Variants in WDR27 observed in about 807,000 individuals in gnomAD.
WDR27 encodes the protein WD repeat-containing protein 27.
A neutral mutation model predicts 114.4 loss-of-function variants in WDR27; 100 were observed. The ratio of observed to expected loss-of-function variants is 0.87; its 90% CI spans 0.74 to 1.03. The LOEUF is 1.03. WDR27 is among the 50% of genes least tolerant of loss of function. The pLI is 0.00. For missense variants in WDR27, 1,129 were observed against 1,092.9 expected (o/e 1.03, Z -0.47); for synonymous variants, 449 against 423.1 (o/e 1.06, Z -0.75).
At chr6:169,688,457 A>C (rs1224846722) in intron 2 of WDR27, among the ~76,000 whole-genome samples, 1 of 152,158 alleles carries the variant, frequency 6.6e-6, no homozygotes, top group East Asian at 1.9e-4. Context: ...ACATGCACTT[A>C]TTATGTGGAA....
intron 15 of WDR27, among the ~76,000 whole-genome samples, chr6:169,648,842 C>G (rs2128239163): frequency 6.6e-6 from 1 of 152,334 alleles, no homozygotes; most frequent in East Asian, 1.9e-4. Flanking sequence ...ATGGCGTGGG[C>G]CACGCCCACT....
intron 25 of WDR27, among the ~76,000 whole-genome samples, chr6:169,522,980 A>G (rs1275276733): frequency 2.6e-5 from 4 of 151,976 alleles, no homozygotes; most frequent in African/African-American, 7.2e-5. Flanking sequence ...AAATAAATGA[A>G]TGAGATTTAA....
At chr6:169,438,236 C>CTTTTTTT in the WDR27 span, among the ~76,000 whole-genome samples, 5 of 105,426 alleles carry the variant, frequency 4.7e-5, no homozygotes, top group African/African-American at 1.1e-4. Flanking sequence ...TTTACTTTTT[C>CTTTTTTT]TTTTTTTTTT....
intron 25 of WDR27, among the ~76,000 whole-genome samples, chr6:169,473,942 GC>G (rs983483199): frequency 6.6e-6 from 1 of 152,208 alleles, no homozygotes; most frequent in African/African-American, 2.4e-5. Context: ...TCAAAATTTG[GC>G]CCAACTGGGG....
intron 25 of WDR27, among the ~76,000 whole-genome samples, chr6:169,469,155 TA>T (rs1786004646): frequency 6.6e-6 from 1 of 152,184 alleles, no homozygotes; most frequent in Non-Finnish European, 1.5e-5. Context: ...ATGTTCTTCT[TA>T]CATGTAAAAT....
At position 169,634,478 on chromosome 6, in the gene WDR27, G is replaced by A. The variant is rs145261774; in HGVS notation, c.2051C>T (p.Thr684Met). 1.1e-3 allele frequency: 1,730 copies of A among 1,613,144 alleles called. 6 individuals carry two copies. The African/African-American group carries it at 0.014, about 13-fold the overall frequency. The stretch of plus-strand genomic sequence containing the variant: ...TAAACTGGTCATGTCTACTGCACCC[G>A]TCGTGGAGAGCCTGCAAATCAGCTT... ...KSKLICRLSTTGAVDMTSLSA... is the reference protein window; with the variant it reads ...KSKLICRLSTMGAVDMTSLSA... Residue 684 changes from threonine (T) to methionine (M), a missense_variant, in exon 20 of 26, where the codon ACG becomes ATG. Thr to Met is a moderately conservative substitution (Grantham distance 81). Transcript: ENST00000448612.
At chr6:169,651,791 T>G in intron 14 of WDR27, 139 bp downstream of exon 14, 65 of 706,764 alleles carry the variant, frequency 9.2e-5, no homozygotes, top group Middle Eastern at 3.1e-4. Flanking sequence ...ACCCACCACA[T>G]TTTAACTTCT....
chr6:169,499,793 G>C (rs928324841), intron 25 of WDR27, among the ~76,000 whole-genome samples: 1 of 152,226 alleles, frequency 6.6e-6, no homozygotes, highest in Non-Finnish European at 1.5e-5. Context: ...AGATTAGAGA[G>C]ATGGGCCCGT....
At chr6:169,681,529 G>C (rs1373066105) in intron 2 of WDR27, among the ~76,000 whole-genome samples, 1 of 152,206 alleles carries the variant, frequency 6.6e-6, no homozygotes, top group Non-Finnish European at 1.5e-5. Context: ...CCTCCAAGGG[G>C]CTTGGTTACC....
chr6:169,620,082 T>C (rs571097678), intron 21 of WDR27, among the ~76,000 whole-genome samples: 1 of 152,320 alleles, frequency 6.6e-6, no homozygotes, highest in East Asian at 1.9e-4. Context: ...CGAGAATTGA[T>C]GGTTTTTAAA....
chr6:169,547,556 T>C (rs776931692), intron 25 of WDR27, among the ~76,000 whole-genome samples: 15 of 152,158 alleles, frequency 9.9e-5, no homozygotes, highest in African/African-American at 2.9e-4. Context: ...ATCCCATCAA[T>C]AGGCTAAAAA....
the WDR27 span, among the ~76,000 whole-genome samples, chr6:169,446,009 T>G: frequency 6.6e-6 from 1 of 152,242 alleles, no homozygotes; most frequent in Non-Finnish European, 1.5e-5. Flanking sequence ...GTGTGGCACT[T>G]AATGAAAGGG....
At chr6:169,589,864 C>T (rs1805368486) in intron 23 of WDR27, among the ~76,000 whole-genome samples, 2 of 149,216 alleles carry the variant, frequency 1.3e-5, no homozygotes, top group Admixed American at 1.3e-4. Context: ...GCACTTCACC[C>T]ACCACAGAGA....
At chr6:169,581,218 T>C (rs181298879) in intron 24 of WDR27, among the ~76,000 whole-genome samples, 1 of 152,074 alleles carries the variant, frequency 6.6e-6, no homozygotes, top group African/African-American at 2.4e-5. Flanking sequence ...TTTCAAGTAT[T>C]CAAAAACATT....
intron 23 of WDR27, among the ~76,000 whole-genome samples, chr6:169,583,420 A>AG (rs1215949788): frequency 2.1e-5 from 1 of 48,194 alleles, no homozygotes; most frequent in Non-Finnish European, 1.3e-4. Context: ...CAATTCAAAT[A>AG]CTTAGATTTT....
chr6:169,621,199 T>C (rs1813047076), intron 21 of WDR27, among the ~76,000 whole-genome samples: 1 of 152,102 alleles, frequency 6.6e-6, no homozygotes, highest in African/African-American at 2.4e-5. Flanking sequence ...CATACACCCA[T>C]GCACGCTCGC....
chr6:169,678,811 A>T (rs1302066278), intron 2 of WDR27, among the ~76,000 whole-genome samples: 1 of 152,216 alleles, frequency 6.6e-6, no homozygotes, highest in East Asian at 1.9e-4. Flanking sequence ...TGTCCTGCAA[A>T]GTCTCTTGTG....
chr6:169,469,312 C>A (rs143866619), intron 25 of WDR27, among the ~76,000 whole-genome samples: 1 of 152,196 alleles, frequency 6.6e-6, no homozygotes, highest in African/African-American at 2.4e-5. Context: ...AATGGTAGGA[C>A]AGGCATAACA....
rs141496924 is a variant in WDR27, at chr6:169,472,942, T to C, written c.2646-15308A>G. 5.8e-4 allele frequency among the ~76,000 whole-genome samples: 88 copies of C among 152,346 alleles called. 3 individuals are homozygous for C. In the East Asian group the frequency reaches 0.015, roughly 26 times the overall value. ...TCTAGATTTTTTTAAGTGAGGCTTATCTGTTTTAAATAACTCAGTCTGCAA... is the reference window on the plus strand; with the variant it reads ...TCTAGATTTTTTTAAGTGAGGCTTACCTGTTTTAAATAACTCAGTCTGCAA... On this transcript the variant is annotated intron_variant, in intron 25 of 25. Coordinates refer to ENST00000448612, the MANE Select transcript of WDR27 (RefSeq NM_182552.5).
Sources: gnomAD v4.1 joint callset for allele counts (sites outside exome capture counted in the v4.1 genomes callset) on GRCh38, gnomAD v4.1.1 for gene constraint, MANE v1.5 for transcripts, NCBI Gene and HGNC (gene_info 2026-07-23, HGNC 2026-07-21) for gene names.